Variants in ERBB4 observed in about 807,000 individuals in gnomAD.
ERBB4 encodes the protein receptor tyrosine-protein kinase erbB-4.
ERBB4 carries 42 observed loss-of-function variants against 158.0 expected under a neutral mutation model. The ratio of observed to expected loss-of-function variants is 0.27; its 90% CI spans 0.21 to 0.34. The LOEUF (loss-of-function observed/expected upper bound fraction) is 0.34, where lower values mean the gene tolerates loss of function less well. Ranked by LOEUF, ERBB4 falls within the 10% of genes least tolerant of loss-of-function variation. ERBB4 has a pLI of 1.00. For missense variants in ERBB4, 1,333 were observed against 1,624.1 expected (o/e 0.82, Z 3.08); for synonymous variants, 583 against 558.7 (o/e 1.04, Z -0.61).
At chr2:212,064,535 GC>G (rs1243774606) in intron 2 of ERBB4, among the ~76,000 whole-genome samples, 1 of 152,086 alleles carries the variant, frequency 6.6e-6, no homozygotes, top group African/African-American at 2.4e-5. Flanking sequence ...TTCTCTCTTG[GC>G]AGAGTCTTCC....
chr2:211,857,018 A>G (rs1038249634), intron 3 of ERBB4, among the ~76,000 whole-genome samples: 2 of 152,164 alleles, frequency 1.3e-5, no homozygotes, highest in African/African-American at 2.4e-5. Flanking sequence ...ATTGTATGTT[A>G]TAATATTTCA....
intron 2 of ERBB4, among the ~76,000 whole-genome samples, chr2:211,978,070 C>G (rs987222104): frequency 6.6e-6 from 1 of 150,444 alleles, no homozygotes; most frequent in African/African-American, 2.5e-5. Context: ...CTTAATAATT[C>G]TAAATTGAGA....
At chr2:211,709,568 C>T (rs113555697) in intron 9 of ERBB4, among the ~76,000 whole-genome samples, 1,650 of 152,066 alleles carry the variant, frequency 0.011, 32 homozygotes, top group African/African-American at 0.037. Flanking sequence ...GAAGTTGGCA[C>T]ATCTGGAGAG....
intron 2 of ERBB4, among the ~76,000 whole-genome samples, chr2:212,091,614 G>C (rs1389606518): frequency 6.6e-6 from 1 of 151,902 alleles, no homozygotes; most frequent in Non-Finnish European, 1.5e-5. Context: ...AGGAACAAAG[G>C]GCTTAAAGAA....
chr2:212,465,434 T>C (rs1688783103), intron 1 of ERBB4, among the ~76,000 whole-genome samples: 1 of 152,166 alleles, frequency 6.6e-6, no homozygotes, highest in Non-Finnish European at 1.5e-5. Context: ...AGAATCAGAA[T>C]GACAATGATA....
At chr2:211,726,049 T>C (rs1375232024) in intron 5 of ERBB4, among the ~76,000 whole-genome samples, 1 of 152,198 alleles carries the variant, frequency 6.6e-6, no homozygotes, top group Non-Finnish European at 1.5e-5. Flanking sequence ...TTATCTCACT[T>C]ATTCCAAAAA....
chr2:211,926,289 C>T (rs540329094), intron 3 of ERBB4, among the ~76,000 whole-genome samples: 19 of 152,266 alleles, frequency 1.2e-4, no homozygotes, highest in South Asian at 1.0e-3. Context: ...GTCTCCACCA[C>T]GCCTACTTTA....
chr2:212,311,931 G>T (rs2106239528), intron 1 of ERBB4, among the ~76,000 whole-genome samples: 1 of 151,100 alleles, frequency 6.6e-6, no homozygotes, highest in East Asian at 2.0e-4. Flanking sequence ...AATAAATACA[G>T]AAAGGGAGAG....
intron 17 of ERBB4, among the ~76,000 whole-genome samples, chr2:211,629,047 G>A (rs1214907574): frequency 2.6e-5 from 4 of 151,938 alleles, no homozygotes; most frequent in Admixed American, 1.3e-4. Context: ...ATTTGTTTGA[G>A]TTCATTTTAG....
intron 1 of ERBB4, among the ~76,000 whole-genome samples, chr2:212,449,896 A>G (rs1546371): frequency 0.39 from 59,648 of 151,884 alleles, 12,457 homozygotes; most frequent in African/African-American, 0.48. Flanking sequence ...TGTAGGTTTG[A>G]GATATATGTA....
intron 3 of ERBB4, among the ~76,000 whole-genome samples, chr2:211,888,142 G>A: frequency 6.6e-6 from 1 of 152,088 alleles, no homozygotes; most frequent in East Asian, 1.9e-4. Flanking sequence ...TCTTACATGA[G>A]GCTACTTTTT....
intron 2 of ERBB4, among the ~76,000 whole-genome samples, chr2:212,000,418 T>C (rs1307139851): frequency 1.3e-5 from 2 of 151,872 alleles, no homozygotes; most frequent in Non-Finnish European, 2.9e-5. Flanking sequence ...TTTCTTATAC[T>C]GATAGTTAAG....
intron 3 of ERBB4, among the ~76,000 whole-genome samples, chr2:211,912,523 C>CA (rs926962044): frequency 1.5e-4 from 22 of 151,310 alleles, no homozygotes; most frequent in Non-Finnish European, 2.1e-4. Flanking sequence ...TACAATAAAA[C>CA]AAAAAAGAGA....
intron 1 of ERBB4, among the ~76,000 whole-genome samples, chr2:212,241,588 A>T (rs1285190112): frequency 6.6e-6 from 1 of 152,168 alleles, no homozygotes; most frequent in Non-Finnish European, 1.5e-5. Context: ...CCAGTGCATG[A>T]TTCTGTTGCT....
intron 13 of ERBB4, among the ~76,000 whole-genome samples, chr2:211,677,945 A>G (rs1472470786): frequency 1.3e-5 from 2 of 152,142 alleles, no homozygotes; most frequent in African/African-American, 4.8e-5. Context: ...ACATAAGAAA[A>G]TTTGACTTAG....
rs1195335607 is a variant in ERBB4 at position 211,908,535 on chromosome 2, TTA to T, written c.421+38893_421+38894del. On this transcript the variant is annotated intron_variant, in intron 3 of 27. Transcript: ENST00000342788. ...TAAATAAAATCACAGACATAGCTTA[TTA>T]TATATCGGTGAGTGTATACCAAATG... Among the ~76,000 whole-genome samples the T allele has an allele frequency of 1.2e-4, 18 of 151,792 alleles. 1 individual carries two copies. Among genetic ancestry groups the T allele is most frequent in the Admixed American group, 1.2e-3 (18 of 15,206 alleles).
chr2:212,400,071 G>T (rs932204893), intron 1 of ERBB4, among the ~76,000 whole-genome samples: 1 of 152,106 alleles, frequency 6.6e-6, no homozygotes, highest in Admixed American at 6.6e-5. Context: ...TGGAAAAAGC[G>T]AAGCTAGAAG....
At chr2:212,289,962 A>G (rs1187424327) in intron 1 of ERBB4, among the ~76,000 whole-genome samples, 2 of 152,000 alleles carry the variant, frequency 1.3e-5, no homozygotes, top group Non-Finnish European at 2.9e-5. Flanking sequence ...AAGGAAAACA[A>G]CTCCTCTATT....
chr2:211,581,269 A>G (rs1001584986), intron 19 of ERBB4, among the ~76,000 whole-genome samples: 2 of 152,096 alleles, frequency 1.3e-5, no homozygotes, highest in African/African-American at 4.8e-5. Flanking sequence ...ACCTATGGAA[A>G]TAAAACAATT....
Sources: gnomAD v4.1 joint callset for allele counts (sites outside exome capture counted in the v4.1 genomes callset) on GRCh38, gnomAD v4.1.1 for gene constraint, MANE v1.5 for transcripts, NCBI Gene and HGNC (gene_info 2026-07-23, HGNC 2026-07-21) for gene names.